The following FGGY variants were observed in gnomAD, a reference collection of about 807,000 sequenced individuals.
The protein encoded by FGGY is FGGY carbohydrate kinase domain-containing protein.
In FGGY, 72 loss-of-function variants were observed where a neutral mutation model predicts 71.3. The observed-to-expected ratio is 1.01, with a 90% CI of 0.84 to 1.23. The LOEUF is 1.23. Ranked by LOEUF, FGGY falls within the 50% of genes most tolerant of loss-of-function variation. FGGY has a pLI of 0.00. For synonymous variants in FGGY, 251 were observed against 250.3 expected (o/e 1.00, Z -0.02); for missense variants, 668 against 682.3 (o/e 0.98, Z 0.23).
intron 14 of FGGY, among the ~76,000 whole-genome samples, chr1:59,732,542 CAA>C (rs1274338961): frequency 6.6e-6 from 1 of 152,060 alleles, no homozygotes; most frequent in Non-Finnish European, 1.5e-5. Flanking sequence ...TGAGGAATGG[CAA>C]AGTCTGTCTA....
At chr1:59,385,983 C>T (rs917771465) in intron 5 of FGGY, among the ~76,000 whole-genome samples, 34 of 151,918 alleles carry the variant, frequency 2.2e-4, no homozygotes, top group Non-Finnish European at 3.7e-4. Context: ...AAAGTATGTG[C>T]TATTAAATTT....
chr1:59,342,024 A>G (rs1221698465), intron 3 of FGGY, among the ~76,000 whole-genome samples: 5 of 152,178 alleles, frequency 3.3e-5, no homozygotes, highest in Non-Finnish European at 7.3e-5. Context: ...CACAAGAGCC[A>G]TGTTAGAGAG....
chr1:59,703,890 A>G (rs890910880), intron 14 of FGGY, among the ~76,000 whole-genome samples: 3 of 152,142 alleles, frequency 2.0e-5, no homozygotes, highest in Non-Finnish European at 4.4e-5. Flanking sequence ...TTCACATCCA[A>G]TGTGCGCCCA....
chr1:59,368,691 G>GC (rs2056997146), intron 4 of FGGY, among the ~76,000 whole-genome samples: 1 of 152,232 alleles, frequency 6.6e-6, no homozygotes, highest in Non-Finnish European at 1.5e-5. Context: ...GGGACAGAGA[G>GC]ATTTTTCTGC....
At chr1:59,731,553 A>T (rs2098029711) in intron 14 of FGGY, among the ~76,000 whole-genome samples, 1 of 151,052 alleles carries the variant, frequency 6.6e-6, no homozygotes, top group East Asian at 2.0e-4. Flanking sequence ...GCCAGTTCGT[A>T]TTCCTTTGAT....
chr1:59,568,471 G>GC (rs374788482), intron 8 of FGGY, among the ~76,000 whole-genome samples: 32 of 127,428 alleles, frequency 2.5e-4, no homozygotes, highest in African/African-American at 8.4e-4. Flanking sequence ...GGGCGGGGGG[G>GC]GGTGTTCTTA....
chr1:59,616,236 A>G (rs1432307336), intron 9 of FGGY, among the ~76,000 whole-genome samples: 1 of 152,262 alleles, frequency 6.6e-6, no homozygotes, highest in African/African-American at 2.4e-5. Flanking sequence ...GAACCAAGCC[A>G]AACATCCAAC....
chr1:59,719,602 TCAGA>T (rs754659971), intron 14 of FGGY, among the ~76,000 whole-genome samples: 1 of 152,190 alleles, frequency 6.6e-6, no homozygotes, highest in African/African-American at 2.4e-5. Flanking sequence ...GACATTTCAT[TCAGA>T]CAGTTATTTA....
chr1:59,537,028 A>G (rs894039465), intron 7 of FGGY, among the ~76,000 whole-genome samples: 1 of 152,010 alleles, frequency 6.6e-6, no homozygotes. Context: ...AATAAAGGGT[A>G]TTCAATTAGG....
rs542722652 is a variant in FGGY, at chr1:59,679,466, G to A, written c.1512+5333G>A. Among the ~76,000 whole-genome samples, 9 of 151,154 alleles carry A rather than the reference G, an allele frequency of 6.0e-5. No individual in the cohort carries two copies. In the South Asian group the frequency reaches 1.5e-3, roughly 25 times the overall value. On this transcript the variant is annotated intron_variant, in intron 14 of 15. Transcript: ENST00000303721. ...GAAGTATGAAACCATCCCATTTCTC[G>A]GTGCATTCAATTTAGTTTACTTGCA...
intron 5 of FGGY, among the ~76,000 whole-genome samples, chr1:59,452,205 T>C (rs1290419132): frequency 6.6e-6 from 1 of 152,110 alleles, no homozygotes; most frequent in Non-Finnish European, 1.5e-5. Context: ...CATCATTATG[T>C]CAATCTCTTT....
intron 6 of FGGY, among the ~76,000 whole-genome samples, chr1:59,460,469 G>C (rs1239032447): frequency 6.6e-6 from 1 of 152,210 alleles, no homozygotes; most frequent in Non-Finnish European, 1.5e-5. Flanking sequence ...CACCACTGGG[G>C]GCACGGCGTA....
intron 7 of FGGY, among the ~76,000 whole-genome samples, chr1:59,531,999 T>A (rs575398869): frequency 6.6e-6 from 1 of 152,158 alleles, no homozygotes; most frequent in East Asian, 1.9e-4. Context: ...GAGTAGAAAA[T>A]AAGCATGTAA....
At chr1:59,297,857 T>C (rs2042196426) in intron 1 of FGGY, among the ~76,000 whole-genome samples, 1 of 151,862 alleles carries the variant, frequency 6.6e-6, no homozygotes, top group African/African-American at 2.4e-5. Flanking sequence ...AATGGTGAAT[T>C]TCCCTCATCA....
intron 4 of FGGY, among the ~76,000 whole-genome samples, chr1:59,370,132 T>C (rs2057340376): frequency 6.6e-6 from 1 of 151,914 alleles, no homozygotes; most frequent in South Asian, 2.1e-4. Context: ...CTGGAGGAAA[T>C]TCAAACCAAA....
intron 5 of FGGY, among the ~76,000 whole-genome samples, chr1:59,454,641 C>T (rs990467702): frequency 2.6e-5 from 4 of 152,206 alleles, no homozygotes; most frequent in African/African-American, 9.7e-5. Flanking sequence ...GATATTTCCT[C>T]CCTGTCTCCC....
chr1:59,364,198 C>G (rs1571028867), intron 4 of FGGY, among the ~76,000 whole-genome samples: 1 of 152,198 alleles, frequency 6.6e-6, no homozygotes, highest in African/African-American at 2.4e-5. Flanking sequence ...TGCAGCCCCC[C>G]TCTCCATTGG....
At chr1:59,446,733 ACT>A (rs755879458) in intron 5 of FGGY, among the ~76,000 whole-genome samples, 1 of 151,948 alleles carries the variant, frequency 6.6e-6, no homozygotes, top group Non-Finnish European at 1.5e-5. Context: ...ATTTATCCCC[ACT>A]CTCAGCTCTA....
chr1:59,685,831 T>G (rs1249297654), intron 14 of FGGY, among the ~76,000 whole-genome samples: 2 of 152,206 alleles, frequency 1.3e-5, no homozygotes, highest in African/African-American at 2.4e-5. Context: ...CATGGCTCAC[T>G]GCAGCCTCAA....
Sources: gnomAD v4.1 joint callset for allele counts (sites outside exome capture counted in the v4.1 genomes callset) on GRCh38, gnomAD v4.1.1 for gene constraint, MANE v1.5 for transcripts, NCBI Gene and HGNC (gene_info 2026-07-23, HGNC 2026-07-21) for gene names.